ZNF536: variants seen among roughly 807,000 people sequenced by gnomAD.
ZNF536 encodes zinc finger protein 536.
A neutral mutation model predicts 84.5 loss-of-function variants in ZNF536; 13 were observed. That is an observed-to-expected ratio of 0.15 (90% CI 0.10 to 0.24). The LOEUF (loss-of-function observed/expected upper bound fraction) is 0.24, where lower values mean the gene tolerates loss of function less well. Among genes scored for constraint, ZNF536 ranks in the 10% least tolerant of loss-of-function variants. The pLI is 1.00. For missense variants in ZNF536, 1,536 were observed against 1,747.5 expected (o/e 0.88, Z 2.16); for synonymous variants, 811 against 742.5 (o/e 1.09, Z -1.50).
At chr19:30,615,194 C>T (rs1259120324) in intron 1 of ZNF536, among the ~76,000 whole-genome samples, 1 of 150,010 alleles carries the variant, frequency 6.7e-6, no homozygotes, top group African/African-American at 2.5e-5. Flanking sequence ...ATCCGCCCGT[C>T]TCGGCCTCCC....
At chr19:30,459,060 A>G (rs887345228) in intron 2 of ZNF536, among the ~76,000 whole-genome samples, 1 of 152,164 alleles carries the variant, frequency 6.6e-6, no homozygotes, top group Admixed American at 6.5e-5. Flanking sequence ...TCCATGTAAA[A>G]ATGAGGACGA....
chr19:30,702,066 C>A (rs1344646488), intron 1 of ZNF536, among the ~76,000 whole-genome samples: 13 of 152,178 alleles, frequency 8.5e-5, no homozygotes, highest in African/African-American at 2.9e-4. Flanking sequence ...TAGACGCAGC[C>A]CCCTCTCTTC....
At chr19:30,290,996 T>C (rs1409300775) in intron 2 of ZNF536, among the ~76,000 whole-genome samples, 2 of 152,232 alleles carry the variant, frequency 1.3e-5, no homozygotes, top group African/African-American at 4.8e-5. Flanking sequence ...GCTTCATCCA[T>C]GTCCCTGCAA....
intron 1 of ZNF536, among the ~76,000 whole-genome samples, chr19:30,662,969 T>C (rs1466253252): frequency 4.1e-5 from 6 of 147,968 alleles, no homozygotes; most frequent in African/African-American, 7.4e-5. Context: ...TTTCTTTTTT[T>C]TTTTTTTTTT....
chr19:30,443,536 A>C, intron 1 of ZNF536, 25 bp from the exon 2 acceptor site: 1 of 1,520,918 alleles, frequency 6.6e-7, no homozygotes, highest in Non-Finnish European at 8.8e-7. Flanking sequence ...CCTGGCACGG[A>C]TCTGAACTCT....
At position 30,339,649 on chromosome 19, in the gene ZNF536, T is replaced by C. The variant is rs114114324; in HGVS notation, c.-119-12719T>C. On this transcript the variant is annotated intron_variant, in intron 2 of 5. Coordinates refer to the ZNF536 transcript ENST00000585628. ...CAGATGGACACCTCCACCTCGAGGG[T>C]GAGGGTTGCCCTCTGGGGGCTGGAG... Among the ~76,000 whole-genome samples, 1,315 of 152,042 alleles carry C rather than the reference T, an allele frequency of 8.6e-3. 27 individuals carry two copies. The highest frequency in any genetic ancestry group is 0.03 in the African/African-American group (1,251 of 41,474).
At chr19:30,547,893 A>G in intron 3 of ZNF536, 50 bp from the exon 4 acceptor site, 1 of 1,509,728 alleles carries the variant, frequency 6.6e-7, no homozygotes, top group Non-Finnish European at 8.8e-7. Flanking sequence ...CGTTCAGCAC[A>G]CCAAAATGAG....
At chr19:30,435,107 ATGATGG>A (rs2051668308) in intron 1 of ZNF536, among the ~76,000 whole-genome samples, 1 of 149,630 alleles carries the variant, frequency 6.7e-6, no homozygotes, top group Admixed American at 6.6e-5. Flanking sequence ...TGGTGTGATG[ATGATGG>A]TGATGGTGAT....
chr19:30,379,237 G>A (rs904907477), intron 1 of ZNF536, among the ~76,000 whole-genome samples: 19 of 152,182 alleles, frequency 1.2e-4, no homozygotes, highest in African/African-American at 4.6e-4. Flanking sequence ...TTTTGTTTGT[G>A]AGGGTCCAGT....
At chr19:30,418,597 G>A (rs10406549) in intron 1 of ZNF536, among the ~76,000 whole-genome samples, 66,468 of 152,006 alleles carry the variant, frequency 0.44, 15,485 homozygotes, top group Non-Finnish European at 0.53. Context: ...ACACCTACAT[G>A]TGTACTGGGC....
At chr19:30,629,346 G>A (rs2048803840) in intron 1 of ZNF536, among the ~76,000 whole-genome samples, 1 of 152,046 alleles carries the variant, frequency 6.6e-6, no homozygotes, top group Admixed American at 6.6e-5. Flanking sequence ...ACCACAGGCA[G>A]GTATCACCGT....
At chr19:30,473,849 C>A (rs750105625) in intron 2 of ZNF536, among the ~76,000 whole-genome samples, 3 of 152,176 alleles carry the variant, frequency 2.0e-5, no homozygotes, top group South Asian at 4.1e-4. Flanking sequence ...GATGAATGTT[C>A]GTGAAATCAA....
chr19:30,290,278 C>T (rs550535354), intron 2 of ZNF536, among the ~76,000 whole-genome samples: 37 of 152,092 alleles, frequency 2.4e-4, no homozygotes, highest in African/African-American at 8.2e-4. Context: ...ACTTTTTGTT[C>T]GCTTTTCTTT....
rs536769732 is a variant in ZNF536 at position 30,359,066 on chromosome 19, C to T, written c.-3+6582C>T. Among the ~76,000 whole-genome samples, 7 of 152,296 alleles carry T rather than the reference C, an allele frequency of 4.6e-5. No homozygotes were observed. In the South Asian group the frequency reaches 6.2e-4, roughly 14 times the overall value. ...CCACCTAGCTTCCATCCATTGCAGCCGCCTAGGAGTGTGGGCCGAGTTTGT... is the reference window on the plus strand; with the variant it reads ...CCACCTAGCTTCCATCCATTGCAGCTGCCTAGGAGTGTGGGCCGAGTTTGT... On this transcript the variant is annotated intron_variant, in intron 3 of 5. Coordinates refer to the ZNF536 transcript ENST00000585628.
At chr19:30,521,856 T>C (rs1251867801) in intron 2 of ZNF536, among the ~76,000 whole-genome samples, 1 of 152,062 alleles carries the variant, frequency 6.6e-6, no homozygotes, top group Admixed American at 6.5e-5. Context: ...AGGTCACCCA[T>C]GTGGATATAT....
chr19:30,449,840 C>G (rs2052515899), intron 2 of ZNF536, among the ~76,000 whole-genome samples: 2 of 152,120 alleles, frequency 1.3e-5, no homozygotes, highest in South Asian at 4.1e-4. Context: ...GGTCTCCATC[C>G]CATTGACCAC....
intron 1 of ZNF536, among the ~76,000 whole-genome samples, chr19:30,581,636 G>GGACA (rs2046924045): frequency 6.6e-6 from 1 of 152,050 alleles, no homozygotes; most frequent in African/African-American, 2.4e-5. Flanking sequence ...GCTGGAAGCA[G>GGACA]GACAGTAAAG....
Position 30,443,935 on chromosome 19 carries a change from C to G in ZNF536, c.373C>G (p.Arg125Gly), listed in dbSNP as rs1347867112. 1.2e-6 allele frequency: 2 copies of G among 1,613,660 alleles called. No individual in the cohort carries two copies. Among genetic ancestry groups the G allele is most frequent in the Non-Finnish European group, 1.7e-6 (2 of 1,180,012 alleles). ...SQMSDIEDDARKNRKYPCPLC... is the reference protein window; with the variant it reads ...SQMSDIEDDAGKNRKYPCPLC... The stretch of plus-strand genomic sequence containing the variant: ...GATGAGCGACATCGAGGACGACGCC[C>G]GCAAGAACCGCAAGTACCCGTGCCC... The change falls in exon 2 of 5, where the codon CGC (arginine) becomes GGC (glycine). Residue 125 changes from arginine to glycine, a missense_variant. By Grantham distance (125) the Arg-to-Gly change is moderately radical (BLOSUM62 -2). Around this residue, in one of 8 missense-constraint regions of ZNF536, gnomAD observed 161 missense variants for 178.5 expected, o/e 0.90. Coordinates refer to ENST00000355537, the MANE Select transcript of ZNF536 (RefSeq NM_014717.3).
At chr19:30,480,613 C>T (rs2054039348) in intron 2 of ZNF536, among the ~76,000 whole-genome samples, 2 of 152,212 alleles carry the variant, frequency 1.3e-5, no homozygotes, top group South Asian at 4.1e-4. Flanking sequence ...GGCTTAAAAC[C>T]TAGATGACGG....
Sources: allele counts gnomAD v4.1 joint callset (sites outside exome capture counted in the v4.1 genomes callset), GRCh38; gene constraint gnomAD v4.1.1; regional missense constraint gnomAD v4.1.1; transcripts MANE v1.5; gene names NCBI Gene and HGNC (gene_info 2026-07-23, HGNC 2026-07-21).